The following SRGN variants were observed in gnomAD, a reference collection of about 807,000 sequenced individuals.
The protein encoded by SRGN is hematopoetic proteoglycan core peptide.
Under a neutral mutation model 9.5 loss-of-function variants are expected in SRGN, and 2 were observed. That is an observed-to-expected ratio of 0.21 (90% CI 0.09 to 0.66). SRGN has a LOEUF of 0.66. Ranked by LOEUF, SRGN falls within the 30% of genes least tolerant of loss-of-function variation. SRGN has a pLI of 0.83. For synonymous variants in SRGN, 59 were observed against 72.3 expected (o/e 0.82, Z 0.93); for missense variants, 170 against 192.4 (o/e 0.88, Z 0.69).
intron 1 of SRGN, 52 bp downstream of exon 1, chr10:69,088,288 T>C: frequency 7.1e-7 from 1 of 1,411,422 alleles, no homozygotes; most frequent in South Asian, 1.2e-5. Flanking sequence ...AGCCCTGTGG[T>C]CCATGCAAGT....
chr10:69,099,427 A>C (rs1231626965), intron 2 of SRGN, among the ~76,000 whole-genome samples: 1 of 151,780 alleles, frequency 6.6e-6, no homozygotes, highest in Non-Finnish European at 1.5e-5. Flanking sequence ...CAGCCTCCCA[A>C]GTAGCGGGAC....
intron 2 of SRGN, among the ~76,000 whole-genome samples, chr10:69,101,049 C>A (rs1178916486): frequency 2.0e-5 from 3 of 148,642 alleles, no homozygotes; most frequent in South Asian, 4.2e-4. Context: ...GTGGTGCGAT[C>A]TCAGCTCACT....
intron 2 of SRGN, among the ~76,000 whole-genome samples, chr10:69,100,469 G>A (rs1840266483): frequency 6.6e-6 from 1 of 152,064 alleles, no homozygotes; most frequent in Non-Finnish European, 1.5e-5. Context: ...AAAATGTTAA[G>A]AGAATAGCTC....
intron 1 of SRGN, among the ~76,000 whole-genome samples, chr10:69,091,664 A>G (rs916163139): frequency 3.3e-5 from 5 of 151,634 alleles, no homozygotes; most frequent in Admixed American, 3.3e-4. Context: ...GGATCACTTG[A>G]GGTCAGGAGT....
chr10:69,097,638 A>G (rs561328608), intron 2 of SRGN, among the ~76,000 whole-genome samples: 1 of 152,082 alleles, frequency 6.6e-6, no homozygotes, highest in Non-Finnish European at 1.5e-5. Context: ...CTTATTAGCC[A>G]GGATGGTCTC....
chr10:69,101,339 A>G (rs1234166829), intron 2 of SRGN, among the ~76,000 whole-genome samples: 2 of 152,088 alleles, frequency 1.3e-5, no homozygotes, highest in African/African-American at 2.4e-5. Flanking sequence ...CTTCTCCTCC[A>G]TCACCTGTAT....
Position 69,098,043 on chromosome 10 carries a change from A to G in SRGN, c.227+812A>G, listed in dbSNP as rs191377857. Among the ~76,000 whole-genome samples, 690 of 152,342 alleles carry G rather than the reference A, an allele frequency of 4.5e-3. 6 individuals carry two copies. Among genetic ancestry groups the G allele is most frequent in the African/African-American group, 0.016 (668 of 41,584 alleles). On this transcript the variant is annotated intron_variant, in intron 2 of 2. Transcript: ENST00000242465. Reference sequence around the variant, plus strand: ...ACTGGCATATGACATGTGCGAGTATACATGATTCACCTATGTTTTTGAAAT... The same window carrying G: ...ACTGGCATATGACATGTGCGAGTATGCATGATTCACCTATGTTTTTGAAAT...
chr10:69,091,907 AAGAAAAAGAAAAG>A lies in SRGN; in HGVS notation c.79+3673_79+3685del, dbSNP rs1564658943. On this transcript the variant is annotated intron_variant, in intron 1 of 2. Coordinates refer to ENST00000242465, the MANE Select transcript of SRGN (RefSeq NM_002727.4). ...AAAAAAAAAAAAAAAAAAAAAAAAA[AAGAAAAAGAAAAG>A]AAAAGAAAAAAAAAAGAAATTAGTA... 6.7e-5 allele frequency among the ~76,000 whole-genome samples: 6 copies of A among 89,552 alleles called. 1 individual carries two copies. The highest frequency in any genetic ancestry group is 1.3e-4 in the Admixed American group (1 of 7,710). 58.7% of individuals were successfully genotyped at this position (89,552 alleles called of 152,430 possible).
chr10:69,096,857 G>A (rs1840184917), intron 1 of SRGN, among the ~76,000 whole-genome samples: 1 of 151,996 alleles, frequency 6.6e-6, no homozygotes, highest in African/African-American at 2.4e-5. Flanking sequence ...CTAGCTGGGC[G>A]TTGTGGTGCC....
chr10:69,096,802 C>T (rs1564660525), intron 1 of SRGN, among the ~76,000 whole-genome samples: 1 of 151,936 alleles, frequency 6.6e-6, no homozygotes, highest in Non-Finnish European at 1.5e-5. Flanking sequence ...TAGTGAGACC[C>T]CCATCTCTCC....
intron 2 of SRGN, among the ~76,000 whole-genome samples, chr10:69,102,603 C>A (rs933793359): frequency 6.6e-6 from 1 of 152,180 alleles, no homozygotes; most frequent in Non-Finnish European, 1.5e-5. Flanking sequence ...GCTTTTGTCT[C>A]TGATGCTTTG....
intron 1 of SRGN, among the ~76,000 whole-genome samples, chr10:69,091,241 G>A (rs1364904488): frequency 3.9e-5 from 6 of 152,176 alleles, no homozygotes; most frequent in South Asian, 2.1e-4. Flanking sequence ...TGAACTGGTC[G>A]TCTGATTTCA....
In SRGN at chr10:69,088,197, G is replaced by C. The variant is rs1839978911; in HGVS notation, c.40G>C (p.Ala14Pro). Residue 14 changes from alanine (A) to proline (P), a missense_variant, in exon 1 of 3, where the codon GCT becomes CCT. By Grantham distance (27) the Ala-to-Pro change is conservative (BLOSUM62 -1). Transcript: ENST00000242465. The part of the protein sequence containing the change: ...KLLKCSRLVL[A>P]LALILVLESS... The stretch of plus-strand genomic sequence containing the variant: ...ACTCAAATGCAGTCGGCTTGTCCTG[G>C]CTCTTGCCCTCATCCTGGTTCTGGA... 1 of 1,614,178 alleles carries C rather than the reference G, an allele frequency of 6.2e-7. No homozygotes were observed. Among genetic ancestry groups the C allele is most frequent in the Non-Finnish European group, 8.5e-7 (1 of 1,180,024 alleles).
intron 1 of SRGN, among the ~76,000 whole-genome samples, chr10:69,095,272 C>T (rs557459198): frequency 1.8e-3 from 268 of 145,634 alleles, no homozygotes; most frequent in African/African-American, 6.4e-3. Flanking sequence ...TGTGCCACTG[C>T]ATCCCAGCCA....
intron 2 of SRGN, among the ~76,000 whole-genome samples, chr10:69,101,290 T>C (rs1840285387): frequency 6.6e-6 from 1 of 152,164 alleles, no homozygotes; most frequent in South Asian, 2.1e-4. Flanking sequence ...TTGCTATTGC[T>C]AATCTCTGGG....
chr10:69,089,372 G>C (rs1028242935), intron 1 of SRGN, among the ~76,000 whole-genome samples: 2 of 152,122 alleles, frequency 1.3e-5, no homozygotes, highest in Non-Finnish European at 2.9e-5. Context: ...AATATCTTCA[G>C]CTTGATGAAA....
In SRGN at chr10:69,088,108, T is replaced by C. The variant is rs919395476; in HGVS notation, c.-50T>C. On this transcript the variant is annotated 5_prime_UTR_variant, in exon 1 of 3. Transcript: ENST00000242465. ...GGGACAGAGAGCACCCTGCTACATTTCCTAATCAAGAAGTTGGCGTGCAGC... is the reference window on the plus strand; with the variant it reads ...GGGACAGAGAGCACCCTGCTACATTCCCTAATCAAGAAGTTGGCGTGCAGC... The C allele has an allele frequency of 1.3e-6, 2 of 1,525,782 alleles. No homozygotes were observed. Among genetic ancestry groups the C allele is most frequent in the Admixed American group, 1.7e-5 (1 of 59,824 alleles). The allele number at this position is 1,525,782 out of a possible 1,614,324, so 94.5% of individuals were successfully genotyped here. A position where few individuals can be genotyped will look rare whatever the true frequency, so the allele number is the denominator to read the frequency against.
chr10:69,097,304 A>C, intron 2 of SRGN, 73 bp downstream of exon 2: 3 of 1,343,230 alleles, frequency 2.2e-6, no homozygotes, highest in Non-Finnish European at 3.1e-6. Context: ...TTTCTTGCCC[A>C]GGCTGGAGTG....
At chr10:69,090,484 C>T (rs1295499628) in intron 1 of SRGN, among the ~76,000 whole-genome samples, 3 of 152,094 alleles carry the variant, frequency 2.0e-5, no homozygotes, top group Admixed American at 6.6e-5. Flanking sequence ...CTGGCAGGGT[C>T]GATCGCATTC....
Sources: gnomAD v4.1 joint callset for allele counts (sites outside exome capture counted in the v4.1 genomes callset) on GRCh38, gnomAD v4.1.1 for gene constraint, MANE v1.5 for transcripts, NCBI Gene and HGNC (gene_info 2026-07-23, HGNC 2026-07-21) for gene names.